BCAS3: variants seen among roughly 807,000 people sequenced by gnomAD.
BCAS3 encodes BCAS3 microtubule associated cell migration factor, also known as BCAS4/BCAS3 fusion.
BCAS3 carries 53 observed loss-of-function variants against 116.1 expected under a neutral mutation model. The ratio of observed to expected loss-of-function variants is 0.46; its 90% CI spans 0.37 to 0.57. BCAS3 has a LOEUF of 0.57. Among genes scored for constraint, BCAS3 ranks in the 20% least tolerant of loss-of-function variants. The pLI is 0.00. For synonymous variants in BCAS3, 391 were observed against 408.2 expected, an observed-to-expected ratio of 0.96 and a Z score of 0.51; for missense variants, 917 against 1,165.4, an observed-to-expected ratio of 0.79 and a Z score of 3.10.
At chr17:60,779,997 T>TA (rs2045655410) in intron 6 of BCAS3, among the ~76,000 whole-genome samples, 4 of 151,872 alleles carry the variant, frequency 2.6e-5, no homozygotes, top group Admixed American at 2.6e-4. Context: ...TTTTAATTTT[T>TA]TTTTTTTTTT....
intron 23 of BCAS3, among the ~76,000 whole-genome samples, chr17:61,382,173 C>G (rs556648615): frequency 2.0e-5 from 3 of 151,718 alleles, no homozygotes; most frequent in Admixed American, 2.0e-4. Flanking sequence ...ACTAAAAATA[C>G]AAAAATTAGC....
At chr17:60,917,858 G>A (rs2058855441) in intron 12 of BCAS3, among the ~76,000 whole-genome samples, 1 of 152,160 alleles carries the variant, frequency 6.6e-6, no homozygotes. Flanking sequence ...GTCCCAAAGT[G>A]CTGGGATTAC....
At chr17:61,183,801 T>A (rs527344658) in intron 22 of BCAS3, among the ~76,000 whole-genome samples, 1 of 152,368 alleles carries the variant, frequency 6.6e-6, no homozygotes, top group African/African-American at 2.4e-5. Context: ...AAATGACTGA[T>A]ACAATTGTTG....
In BCAS3 at chr17:61,286,657, ACCGTTGTGAAGGCAGCT is replaced by A. The variant is rs1201322386; in HGVS notation, c.2426-81667_2426-81651del. ...GGGCTAAGTTAAATACTCGCTTTAC[ACCGTTGTGAAGGCAGCT>A]CCCAGGGCAGCCAGAGGAGCATGTC... On this transcript the variant is annotated intron_variant, in intron 22 of 23. Coordinates refer to ENST00000407086, the MANE Select transcript of BCAS3 (RefSeq NM_017679.5). The surrounding 1 kb of genome is among the most constrained non-coding windows in gnomAD (Gnocchi z 4.8). Among the ~76,000 whole-genome samples, 1 of 152,080 alleles carries A rather than the reference ACCGTTGTGAAGGCAGCT, an allele frequency of 6.6e-6. No individual in the cohort carries two copies. Among genetic ancestry groups the A allele is most frequent in the Non-Finnish European group, 1.5e-5 (1 of 68,018 alleles).
intron 4 of BCAS3, among the ~76,000 whole-genome samples, chr17:60,708,719 G>A (rs2037490760): frequency 6.6e-6 from 1 of 152,006 alleles, no homozygotes; most frequent in African/African-American, 2.4e-5. Flanking sequence ...TAGTGGAGAT[G>A]GGGTTTCACC....
chr17:60,724,271 A>G (rs966418978), intron 5 of BCAS3, among the ~76,000 whole-genome samples: 1 of 151,440 alleles, frequency 6.6e-6, no homozygotes, highest in African/African-American at 2.4e-5. Flanking sequence ...GAAAATACAA[A>G]AATTAGCTGG....
At position 61,180,322 on chromosome 17, in the gene BCAS3, C is replaced by A. The variant is rs1253391536; in HGVS notation, c.2425+95758C>A. Reference sequence around the variant, plus strand: ...ACTTAAAAAAATCTTGGAAGATAAACCAAGACAGGAAAATGATTATGGCCA... The same window carrying A: ...ACTTAAAAAAATCTTGGAAGATAAAACAAGACAGGAAAATGATTATGGCCA... On this transcript the variant is annotated intron_variant, in intron 22 of 23. Transcript: ENST00000407086. The surrounding 1 kb of genome is among the most constrained non-coding windows in gnomAD (Gnocchi z 6.0). 6.6e-6 allele frequency among the ~76,000 whole-genome samples: 1 copy of A among 152,044 alleles called. No individual in the cohort carries two copies. Among genetic ancestry groups the A allele is most frequent in the African/African-American group, 2.4e-5 (1 of 41,366 alleles).
chr17:60,787,012 T>C (rs971178974), intron 6 of BCAS3, among the ~76,000 whole-genome samples: 1 of 152,204 alleles, frequency 6.6e-6, no homozygotes, highest in African/African-American at 2.4e-5. Flanking sequence ...TGATTATTAA[T>C]ATTTTGTTTT....
At chr17:60,868,520 T>G in intron 7 of BCAS3, 56 bp from the exon 8 acceptor site, 1 of 1,046,942 alleles carries the variant, frequency 9.6e-7, no homozygotes. Flanking sequence ...AGTATAGAGA[T>G]TATTGGTCTT....
intron 22 of BCAS3, among the ~76,000 whole-genome samples, chr17:61,133,024 C>T (rs2191166): frequency 0.95 from 145,224 of 152,246 alleles, 69,649 homozygotes; most frequent in East Asian, 1. Flanking sequence ...AATTTTAAAT[C>T]TAATCCAATC....
Position 60,907,681 on chromosome 17 carries a change from T to A in BCAS3, c.823-2851T>A, listed in dbSNP as rs73991338. On this transcript the variant is annotated intron_variant, in intron 11 of 23. Transcript: ENST00000407086. ...AGATTCATCAGTGATTTAATGAACATTTTTATGTAGATACCTCAGATTGTG... is the reference window on the plus strand; with the variant it reads ...AGATTCATCAGTGATTTAATGAACAATTTTATGTAGATACCTCAGATTGTG... Among the ~76,000 whole-genome samples the A allele has an allele frequency of 2.6e-3, 395 of 152,346 alleles. 3 individuals are homozygous for A. The highest frequency in any genetic ancestry group is 0.01 in the Middle Eastern group (3 of 292).
chr17:61,098,531 A>G lies in BCAS3; in HGVS notation c.2425+13967A>G, dbSNP rs150184637. ...CTGGGGAGGAATTTTTCTAAACCCA[A>G]ATACCTCAATTTGAAGTGAGGCTTG... On this transcript the variant is annotated intron_variant, in intron 22 of 23. Coordinates refer to ENST00000407086, the MANE Select transcript of BCAS3 (RefSeq NM_017679.5). The surrounding 1 kb of genome is among the most constrained non-coding windows in gnomAD (Gnocchi z 4.2). 2.9e-3 allele frequency among the ~76,000 whole-genome samples: 442 copies of G among 152,286 alleles called. 2 individuals carry two copies. The highest frequency in any genetic ancestry group is 0.01 in the African/African-American group (418 of 41,566).
Position 61,128,186 on chromosome 17 carries a change from CCA to C in BCAS3, c.2425+43624_2425+43625del, listed in dbSNP as rs2076144021. On this transcript the variant is annotated intron_variant, in intron 22 of 23. Transcript: ENST00000407086. This position sits in a 1 kb window ranked among gnomAD's most constrained non-coding sequence, Gnocchi z 4.1. Reference sequence around the variant, plus strand: ...ATCTGGTTTTCTTTTAGGAAGCCTTCCACCAGGAATAGTGTGAGTCAAGGATG... The same window carrying C: ...ATCTGGTTTTCTTTTAGGAAGCCTTCCCAGGAATAGTGTGAGTCAAGGATG... 7 of 985,284 alleles carry C rather than the reference CCA, an allele frequency of 7.1e-6. No individual in the cohort carries two copies. Among genetic ancestry groups the C allele is most frequent in the Non-Finnish European group, 8.4e-6 (7 of 829,930 alleles). 61.0% of individuals were successfully genotyped at this position (985,284 alleles called of 1,614,324 possible).
intron 22 of BCAS3, among the ~76,000 whole-genome samples, chr17:61,153,328 C>T (rs2077645317): frequency 6.6e-6 from 1 of 152,236 alleles, no homozygotes; most frequent in Non-Finnish European, 1.5e-5. Flanking sequence ...CAGTGGGGTA[C>T]TCCACCACCA....
At chr17:60,858,229 C>T (rs2053845846) in intron 7 of BCAS3, among the ~76,000 whole-genome samples, 1 of 152,120 alleles carries the variant, frequency 6.6e-6, no homozygotes, top group Non-Finnish European at 1.5e-5. Flanking sequence ...CCAGTTGTTC[C>T]AATTGTATGC....
At chr17:61,372,036 C>T (rs1009101896) in intron 23 of BCAS3, among the ~76,000 whole-genome samples, 2 of 152,226 alleles carry the variant, frequency 1.3e-5, no homozygotes, top group Admixed American at 6.5e-5. Context: ...CTTGCCCCGT[C>T]ACCCTTCCAT....
chr17:61,283,120 G>T lies in BCAS3; in HGVS notation c.2426-85207G>T, dbSNP rs571529968. 1.2e-4 allele frequency among the ~76,000 whole-genome samples: 19 copies of T among 152,100 alleles called. No individual in the cohort carries two copies. In the East Asian group the frequency reaches 3.7e-3, roughly 29 times the overall value. On this transcript the variant is annotated intron_variant, in intron 22 of 23. Coordinates refer to ENST00000407086, the MANE Select transcript of BCAS3 (RefSeq NM_017679.5). ...CGTTGCTCCTTTTTGTATTGAAAAC[G>T]ATTGGGCAGCCATGACATTCAATGG... is the stretch of plus-strand genomic sequence containing the variant.
rs2074517910 is a variant in BCAS3 at position 61,104,470 on chromosome 17, T to A, written c.2425+19906T>A. ...GTTTCACTGTGGCACATAGGGCAAA[T>A]GCCTTGGAACATCAGTAATTACTAT... On this transcript the variant is annotated intron_variant, in intron 22 of 23. Coordinates refer to ENST00000407086, the MANE Select transcript of BCAS3 (RefSeq NM_017679.5). The surrounding 1 kb of genome is among the most constrained non-coding windows in gnomAD (Gnocchi z 4.1). 6.6e-6 allele frequency among the ~76,000 whole-genome samples: 1 copy of A among 152,208 alleles called. No individual in the cohort carries two copies. Among genetic ancestry groups the A allele is most frequent in the African/African-American group, 2.4e-5 (1 of 41,456 alleles).
chr17:60,727,410 G>C (rs2039996635), intron 5 of BCAS3: 1 of 1,603,128 alleles, frequency 6.2e-7, no homozygotes, highest in South Asian at 1.1e-5. Context: ...CTCTTATACT[G>C]TGTCACTTTG....
Sources: gnomAD v4.1 joint callset for allele counts (sites outside exome capture counted in the v4.1 genomes callset) on GRCh38, gnomAD v4.1.1 for gene constraint, Gnocchi (gnomAD v3.1) non-coding constraint, MANE v1.5 for transcripts, NCBI Gene and HGNC (gene_info 2026-07-23, HGNC 2026-07-21) for gene names.